BCAR1: variants seen among roughly 807,000 people sequenced by gnomAD.
BCAR1 encodes breast cancer anti-estrogen resistance protein 1.
BCAR1 carries 30 observed loss-of-function variants against 67.6 expected under a neutral mutation model. The observed-to-expected ratio is 0.44, with a 90% confidence interval of 0.33 to 0.60. BCAR1 has a LOEUF of 0.60. BCAR1 is among the 20% of genes least tolerant of loss of function. The pLI is 0.02. For synonymous variants in BCAR1, 626 were observed against 556.7 expected (o/e 1.12, Z -1.75); for missense variants, 1,313 against 1,222.3 (o/e 1.07, Z -1.11).
rs2076989255 is a variant in BCAR1 at position 75,233,864 on chromosome 16, G to A, written c.2082C>T (p.Ser694=). ...EKGSITRQGK[S]QLELQQLKQF... The stretch of plus-strand genomic sequence containing the variant: ...GCCTCACCTGCTGCAACTCCAGCTG[G>A]CTCTTGCCCTGCCGCGTGATGCTGC... Residue 694 remains serine, a synonymous_variant, in exon 6 of 7, where the codon AGC becomes AGT. Transcript: ENST00000162330. 2 of 1,608,142 alleles carry A rather than the reference G, an allele frequency of 1.2e-6. No individual in the cohort carries two copies. The highest frequency in any genetic ancestry group is 1.3e-5 in the African/African-American group (1 of 74,832).
rs2077052658 is a variant in BCAR1 at position 75,235,040 on chromosome 16, G to A, written c.1859C>T (p.Thr620Ile). ...CTTGTCAGTGGGGTTGGGGTGCAGG[G>A]TGCCACCCCCCTCAGGCCCCGGGGC... is the stretch of plus-strand genomic sequence containing the variant. ...ATAPGPEGGG[T>I]LHPNPTDKTS... The change falls in exon 5 of 7, where the codon ACC becomes ATC. Residue 620 changes from threonine to isoleucine, a missense_variant. Physicochemically the swap from Thr to Ile is moderately conservative, Grantham distance 89 (BLOSUM62 -1). Coordinates refer to ENST00000162330, the MANE Select transcript of BCAR1 (RefSeq NM_014567.5). The A allele has an allele frequency of 1.9e-6, 3 of 1,613,276 alleles. No individual in the cohort carries two copies. Among genetic ancestry groups the A allele is most frequent in the African/African-American group, 1.3e-5 (1 of 75,046 alleles).
chr16:75,252,202 C>T (rs1358202132), upstream of BCAR1: 2 of 1,536,524 alleles, frequency 1.3e-6, no homozygotes, highest in Admixed American at 2.0e-5. Context: ...CTGGCGAGCT[C>T]TCGACCCAGC....
At chr16:75,261,872 T>C (rs1487074953) in intron 1 of BCAR1, among the ~76,000 whole-genome samples, 2 of 152,218 alleles carry the variant, frequency 1.3e-5, no homozygotes, top group Non-Finnish European at 2.9e-5. Flanking sequence ...TCTGAGCCAC[T>C]GCACTAGCCA....
At chr16:75,234,470 T>C (rs1461854624) in intron 5 of BCAR1, among the ~76,000 whole-genome samples, 2 of 152,180 alleles carry the variant, frequency 1.3e-5, no homozygotes, top group African/African-American at 4.8e-5. Flanking sequence ...GATGCCTCTC[T>C]GGCCCAGCTC....
intron 1 of BCAR1, chr16:75,247,804 C>A: frequency 1.9e-6 from 1 of 537,356 alleles, no homozygotes; most frequent in Non-Finnish European, 3.4e-6. Flanking sequence ...ACCCTTTCAC[C>A]CAGCAAATAT....
In BCAR1 at chr16:75,242,695, C is replaced by A. The variant is rs753135434; in HGVS notation, c.408G>T (p.Gln136His). Reference protein sequence around the residue: ...GLYQVPGPSPQFQSPPAKQTS... With the variant: ...GLYQVPGPSPHFQSPPAKQTS... ...TCTGCTTGGCTGGGGGAGACTGGAACTGAGGGCTGGGACCCGGGACTTGGT... is the reference window on the plus strand; with the variant it reads ...TCTGCTTGGCTGGGGGAGACTGGAAATGAGGGCTGGGACCCGGGACTTGGT... The change falls in exon 2 of 7, where the codon CAG (glutamine) becomes CAT (histidine). Residue 136 changes from glutamine (Q) to histidine (H), a missense_variant. Physicochemically the swap from Gln to His is conservative, Grantham distance 24 (BLOSUM62 0). Around this residue, in one of 2 missense-constraint regions of BCAR1, gnomAD observed 1,272 missense variants for 1,137.5 expected, o/e 1.12. Transcript: ENST00000162330. The A allele has an allele frequency of 1.3e-6, 2 of 1,546,734 alleles. No individual in the cohort carries two copies. The highest frequency in any genetic ancestry group is 2.0e-5 in the Admixed American group (1 of 49,654).
intron 2 of BCAR1, among the ~76,000 whole-genome samples, chr16:75,240,410 G>C (rs948653726): frequency 3.9e-5 from 6 of 152,192 alleles, no homozygotes; most frequent in African/African-American, 1.4e-4. Flanking sequence ...ACTGCCCAGG[G>C]CCCGCCCCAG....
chr16:75,241,635 T>C (rs2077345200), intron 2 of BCAR1, among the ~76,000 whole-genome samples: 1 of 152,198 alleles, frequency 6.6e-6, no homozygotes, highest in Non-Finnish European at 1.5e-5. Flanking sequence ...CCCATGTCCA[T>C]GGAGTCCCCC....
In BCAR1 at chr16:75,230,032, G is replaced by A. The variant is rs755582855; in HGVS notation, c.2101-9C>T. Reference sequence around the variant, plus strand: ...CGTTCAAACTGCTTCAGCTGGGGCAGGAGGGAAGCAGGAGCAGGGTTAGGC... The same window carrying A: ...CGTTCAAACTGCTTCAGCTGGGGCAAGAGGGAAGCAGGAGCAGGGTTAGGC... On this transcript the variant is annotated splice_polypyrimidine_tract_variant and intron_variant, in intron 6 of 6. Transcript: ENST00000162330. 2.0e-6 allele frequency: 3 copies of A among 1,524,788 alleles called. No homozygotes were observed. Among genetic ancestry groups the A allele is most frequent in the Non-Finnish European group, 1.8e-6 (2 of 1,135,276 alleles). The allele number at this position is 1,524,788 out of a possible 1,614,324, so 94.5% of individuals were successfully genotyped here.
At chr16:75,256,563 C>G (rs147189654), upstream of BCAR1, among the ~76,000 whole-genome samples, 3 of 152,242 alleles carry the variant, frequency 2.0e-5, no homozygotes, top group East Asian at 5.8e-4. Flanking sequence ...CTGCATCCCA[C>G]TAAATCCAGC....
At position 75,236,949 on chromosome 16, in the gene BCAR1, G is replaced by T. The variant is rs529538122; in HGVS notation, c.845C>A (p.Pro282Gln). The change falls in exon 4 of 7, where the codon CCG becomes CAG. Residue 282 changes from proline (P) to glutamine (Q), a missense_variant. Coordinates refer to ENST00000162330, the MANE Select transcript of BCAR1 (RefSeq NM_014567.5). Reference sequence around the variant, plus strand: ...GGGCACGTCATACACCTCCAGCAACGGGTCTCGGCCATTGGGACCCTTGAC... The same window carrying T: ...GGGCACGTCATACACCTCCAGCAACTGGTCTCGGCCATTGGGACCCTTGAC... ...MAVKGPNGRD[P>Q]LLEVYDVPPS... is the part of the protein sequence containing the mutation. 2.5e-6 allele frequency: 4 copies of T among 1,611,918 alleles called. No individual in the cohort carries two copies. In the East Asian group the frequency reaches 6.7e-5, roughly 27 times the overall value.
chr16:75,234,894 G>A lies in BCAR1; in HGVS notation c.2005C>T (p.Leu669=). ...GWMEDYDYVH[L]QGKEEFEKTQ... is the part of the protein sequence containing the mutation. ...GCTGGGCAGGCGGCACCCACCTGTA[G>A]GTGGACGTAGTCATAGTCCTCCATC... The change falls in exon 5 of 7, where the codon CTA becomes TTA. Residue 669 remains leucine (L), a synonymous_variant. Transcript: ENST00000162330. 1 of 1,532,022 alleles carries A rather than the reference G, an allele frequency of 6.5e-7. No homozygotes were observed. The highest frequency in any genetic ancestry group is 8.8e-7 in the Non-Finnish European group (1 of 1,135,854). The allele number at this position is 1,532,022 out of a possible 1,614,324, so 94.9% of individuals were successfully genotyped here.
chr16:75,235,977 C>G lies in BCAR1; in HGVS notation c.922G>C (p.Val308Leu), dbSNP rs760196468. The G allele has an allele frequency of 1.9e-6, 3 of 1,571,384 alleles. No individual in the cohort carries two copies. In the South Asian group the frequency reaches 3.5e-5, roughly 18 times the overall value. Residue 308 changes from valine to leucine, a missense_variant, in exon 5 of 7, where the codon GTT (valine) becomes CTT (leucine). Physicochemically the swap from Val to Leu is conservative, Grantham distance 32. This residue lies in a region of BCAR1 where 1,272 missense variants were observed against 1,137.5 expected (regional missense o/e 1.12). Transcript: ENST00000162330. ...ACATCCTTGCTCACCGATGGAGGAA[C>G]GTCGTAGACCTGGGGGACAAGCGGT... ...PPSNHHAVYD[V>L]PPSVSKDVPD...
At position 75,234,997 on chromosome 16, in the gene BCAR1, T is replaced by C; in HGVS notation, c.1902A>G (p.Ser634=). 1.2e-6 allele frequency: 2 copies of C among 1,611,562 alleles called. No individual in the cohort carries two copies. Among genetic ancestry groups the C allele is most frequent in the South Asian group, 1.1e-5 (1 of 90,992 alleles). ...ACTTAGGGGGTGAGGGCAGGGGTCG[T>C]GACTGGATGCTGCTGGTCTTGTCAG... ...NPTDKTSSIQ[S]RPLPSPPKFT... is the part of the protein sequence containing the mutation. Residue 634 remains serine (S), a synonymous_variant, in exon 5 of 7, where the codon TCA becomes TCG. Coordinates refer to ENST00000162330, the MANE Select transcript of BCAR1 (RefSeq NM_014567.5).
At chr16:75,250,636 C>T in intron 1 of BCAR1, 3 of 985,524 alleles carry the variant, frequency 3.0e-6, no homozygotes, top group Non-Finnish European at 3.6e-6. Context: ...CCCCGCACCC[C>T]TAGGCAAATC....
intron 1 of BCAR1, among the ~76,000 whole-genome samples, chr16:75,262,178 C>A (rs1374089534): frequency 1.3e-5 from 2 of 152,218 alleles, no homozygotes; most frequent in Non-Finnish European, 2.9e-5. Flanking sequence ...AAGCAAGGCT[C>A]TGAGGAGAGT....
At chr16:75,234,070 G>T in intron 5 of BCAR1, 135 bp from the exon 6 acceptor site, 1 of 741,076 alleles carries the variant, frequency 1.3e-6, no homozygotes, top group Non-Finnish European at 2.3e-6. Context: ...CGCACACGTG[G>T]ACGCACACAC....
chr16:75,257,111 T>TG (rs2077795974), intron 1 of BCAR1, among the ~76,000 whole-genome samples: 1 of 152,224 alleles, frequency 6.6e-6, no homozygotes, highest in South Asian at 2.1e-4. Context: ...GCTCCATGGC[T>TG]GGGGGCTGCC....
chr16:75,258,525 G>C (rs951679605), intron 1 of BCAR1, among the ~76,000 whole-genome samples: 3 of 152,200 alleles, frequency 2.0e-5, no homozygotes, highest in African/African-American at 7.2e-5. Context: ...CACACTCCAA[G>C]GTGTGTGTTA....
Sources: gnomAD v4.1 joint callset for allele counts (sites outside exome capture counted in the v4.1 genomes callset) on GRCh38, gnomAD v4.1.1 for gene constraint, gnomAD v4.1.1 regional missense constraint, MANE v1.5 for transcripts, NCBI Gene and HGNC (gene_info 2026-07-23, HGNC 2026-07-21) for gene names.